PTPRT: variants seen among roughly 807,000 people sequenced by gnomAD.
PTPRT encodes the protein receptor-type tyrosine-protein phosphatase T.
Under a neutral mutation model 176.8 loss-of-function variants are expected in PTPRT, and 56 were observed. The observed-to-expected ratio is 0.32, with a 90% CI of 0.26 to 0.40. PTPRT has a LOEUF of 0.40. Among genes scored for constraint, PTPRT ranks in the 10% least tolerant of loss-of-function variants. The probability of loss-of-function intolerance (pLI) is 1.00; values close to 1 mark genes in which losing one functional copy is unlikely to be tolerated. For synonymous variants in PTPRT, 783 were observed against 739.0 expected, an observed-to-expected ratio of 1.06 and a Z score of -0.96; for missense variants, 1,540 against 1,908.2, an observed-to-expected ratio of 0.81 and a Z score of 3.60.
intron 2 of PTPRT, among the ~76,000 whole-genome samples, chr20:42,832,413 T>A (rs2145696140): frequency 6.6e-6 from 1 of 152,072 alleles, no homozygotes; most frequent in East Asian, 1.9e-4. Context: ...TATTGGGTAC[T>A]GAGCTTAGGA....
intron 1 of PTPRT, among the ~76,000 whole-genome samples, chr20:42,998,089 G>A (rs569999016): frequency 7.9e-5 from 12 of 152,222 alleles, no homozygotes; most frequent in African/African-American, 1.4e-4. Flanking sequence ...GTGTGAGATC[G>A]TTGATTCTCA....
chr20:42,565,763 G>A (rs900065699), intron 7 of PTPRT, among the ~76,000 whole-genome samples: 12 of 152,128 alleles, frequency 7.9e-5, no homozygotes, highest in Admixed American at 6.5e-4. Flanking sequence ...TGTGGGAGCC[G>A]GGGCAGGGAG....
At position 42,545,660 on chromosome 20, in the gene PTPRT, CT is replaced by C. The variant is rs377525974; in HGVS notation, c.1154-73099del. ...AAGAGAACCAATCTTGATTGAAAAT[CT>C]TTTGAGAAGTGGTCAGCACTCTCAC... On this transcript the variant is annotated intron_variant, in intron 7 of 30. Coordinates refer to ENST00000373187, the MANE Select transcript of PTPRT (RefSeq NM_007050.6). 1.9e-3 allele frequency among the ~76,000 whole-genome samples: 290 copies of C among 152,288 alleles called. 1 individual carries two copies. Among genetic ancestry groups the C allele is most frequent in the Non-Finnish European group, 3.5e-3 (238 of 68,026 alleles).
intron 1 of PTPRT, among the ~76,000 whole-genome samples, chr20:42,947,249 T>C (rs1187827289): frequency 6.6e-6 from 1 of 152,200 alleles, no homozygotes; most frequent in Non-Finnish European, 1.5e-5. Context: ...GAATGCAGGC[T>C]TACAGGAAAG....
intron 2 of PTPRT, among the ~76,000 whole-genome samples, chr20:42,812,350 C>A (rs548338789): frequency 6.6e-6 from 1 of 152,190 alleles, no homozygotes; most frequent in South Asian, 2.1e-4. Context: ...TTTTTCATCA[C>A]CCCAAAGAGA....
At chr20:42,481,928 G>A (rs2071394491) in intron 7 of PTPRT, among the ~76,000 whole-genome samples, 1 of 151,968 alleles carries the variant, frequency 6.6e-6, no homozygotes, top group Non-Finnish European at 1.5e-5. Context: ...TACTTATGGT[G>A]TGTTCTTGAT....
chr20:42,822,600 C>A (rs1013531127), intron 2 of PTPRT, among the ~76,000 whole-genome samples: 1 of 152,124 alleles, frequency 6.6e-6, no homozygotes, highest in East Asian at 1.9e-4. Flanking sequence ...AAACTAGCAT[C>A]AGAGTGAACA....
intron 7 of PTPRT, among the ~76,000 whole-genome samples, chr20:42,555,108 T>C (rs1453745564): frequency 6.6e-6 from 1 of 152,158 alleles, no homozygotes; most frequent in Admixed American, 6.5e-5. Flanking sequence ...CTCTCCAATG[T>C]GACCTTCAGA....
rs183362774 is a variant in PTPRT at position 42,986,954 on chromosome 20, C to A, written c.89-101022G>T. On this transcript the variant is annotated intron_variant, in intron 1 of 30. Coordinates refer to ENST00000373187, the MANE Select transcript of PTPRT (RefSeq NM_007050.6). ...AGTTGCTGTCTTAGAGGCCACATCC[C>A]TGCATCAGGCTAGACCAGGTAGAAA... Among the ~76,000 whole-genome samples, 7 of 152,288 alleles carry A rather than the reference C, an allele frequency of 4.6e-5. No individual in the cohort carries two copies. In the East Asian group the frequency reaches 1.4e-3, roughly 30 times the overall value.
intron 7 of PTPRT, among the ~76,000 whole-genome samples, chr20:42,523,266 C>G (rs575513295): frequency 1.3e-5 from 2 of 152,296 alleles, no homozygotes; most frequent in African/African-American, 4.8e-5. Flanking sequence ...CCTGAGTAGT[C>G]CTGACACCAT....
chr20:42,746,247 G>A (rs566233946), intron 6 of PTPRT, among the ~76,000 whole-genome samples: 3 of 152,042 alleles, frequency 2.0e-5, no homozygotes, highest in Non-Finnish European at 2.9e-5. Flanking sequence ...AATATCTCCC[G>A]GTTAGCCTCC....
At chr20:42,501,256 A>G (rs936231793) in intron 7 of PTPRT, among the ~76,000 whole-genome samples, 7 of 152,194 alleles carry the variant, frequency 4.6e-5, no homozygotes, top group African/African-American at 9.6e-5. Flanking sequence ...GGGAGAGTCC[A>G]CCACAGTGTT....
chr20:42,071,835 T>C (rs1485754182), downstream of PTPRT, among the ~76,000 whole-genome samples: 1 of 151,748 alleles, frequency 6.6e-6, no homozygotes, highest in Non-Finnish European at 1.5e-5. Flanking sequence ...TTGTTTGAAC[T>C]TTTTGTGGAG....
chr20:42,620,594 T>C (rs1215255290), intron 7 of PTPRT, among the ~76,000 whole-genome samples: 3 of 152,086 alleles, frequency 2.0e-5, no homozygotes, highest in Admixed American at 6.5e-5. Flanking sequence ...GTCAGCGAGA[T>C]TCCGTGGGCG....
At chr20:42,811,216 C>A (rs1268115692) in intron 2 of PTPRT, among the ~76,000 whole-genome samples, 14 of 152,104 alleles carry the variant, frequency 9.2e-5, no homozygotes, top group Non-Finnish European at 7.4e-5. Context: ...TTAAGTTTCA[C>A]TACCCAGAAA....
At chr20:42,428,780 C>A (rs778431093) in intron 9 of PTPRT, among the ~76,000 whole-genome samples, 1 of 152,172 alleles carries the variant, frequency 6.6e-6, no homozygotes, top group African/African-American at 2.4e-5. Flanking sequence ...CCTACACAAG[C>A]CTTGTTCATC....
chr20:42,836,302 T>C (rs1300620086), intron 2 of PTPRT, among the ~76,000 whole-genome samples: 1 of 152,132 alleles, frequency 6.6e-6, no homozygotes, highest in African/African-American at 2.4e-5. Flanking sequence ...TTCTCTCAAC[T>C]GCCCACCTCC....
At chr20:43,073,063 G>T (rs2011201755) in intron 1 of PTPRT, among the ~76,000 whole-genome samples, 1 of 152,096 alleles carries the variant, frequency 6.6e-6, no homozygotes, top group African/African-American at 2.4e-5. Context: ...AAAGTCCCTT[G>T]CAAGTCCACA....
At chr20:42,586,854 C>G (rs2073479607) in intron 7 of PTPRT, among the ~76,000 whole-genome samples, 1 of 152,170 alleles carries the variant, frequency 6.6e-6, no homozygotes. Flanking sequence ...GGCCCACTGC[C>G]TGGCACTTGG....
Sources: allele counts gnomAD v4.1 joint callset (sites outside exome capture counted in the v4.1 genomes callset), GRCh38; gene constraint gnomAD v4.1.1; transcripts MANE v1.5; gene names NCBI Gene and HGNC (gene_info 2026-07-23, HGNC 2026-07-21).